Variants in RBFOX1 observed in about 807,000 individuals in gnomAD.
The protein encoded by RBFOX1 is RNA binding protein fox-1 homolog 1.
In RBFOX1, 8 loss-of-function variants were observed where a neutral mutation model predicts 57.7. That is an observed-to-expected ratio of 0.14 (90% confidence interval 0.08 to 0.25). The LOEUF (loss-of-function observed/expected upper bound fraction) is 0.25. Ranked by LOEUF, RBFOX1 falls within the 10% of genes least tolerant of loss-of-function variation. RBFOX1 has a pLI of 1.00. For synonymous variants in RBFOX1, 326 were observed against 222.4 expected (o/e 1.47, Z -4.15); for missense variants, 611 against 548.5 (o/e 1.11, Z -1.14).
At chr16:6,983,295 C>G (rs914346642) in intron 3 of RBFOX1, among the ~76,000 whole-genome samples, 12 of 152,030 alleles carry the variant, frequency 7.9e-5, no homozygotes, top group Admixed American at 1.3e-4. Context: ...AGTTGTCTAT[C>G]CAATGAGTTT....
chr16:6,335,340 A>C (rs552739601), intron 2 of RBFOX1, among the ~76,000 whole-genome samples: 1 of 152,160 alleles, frequency 6.6e-6, no homozygotes, highest in Non-Finnish European at 1.5e-5. Flanking sequence ...TGCTTTATTC[A>C]TGCATCTCTC....
At position 6,055,459 on chromosome 16, in the gene RBFOX1, G is replaced by A. The variant is rs144560948; in HGVS notation, c.-127+35467G>A. Among the ~76,000 whole-genome samples the A allele has an allele frequency of 2.3e-3, 353 of 151,922 alleles. 2 individuals carry two copies. The highest frequency in any genetic ancestry group is 8.2e-3 in the African/African-American group (341 of 41,432). ...AATACAAAAATTAGCGAGGTGTTGT[G>A]GTGCGTGCCTTTAATCCCAGCTATT... On this transcript the variant is annotated intron_variant, in intron 1 of 15. Coordinates refer to ENST00000550418, the MANE Select transcript of RBFOX1 (RefSeq NM_018723.4).
chr16:6,149,270 A>C (rs552372973), intron 1 of RBFOX1, among the ~76,000 whole-genome samples: 3 of 152,316 alleles, frequency 2.0e-5, no homozygotes, highest in Admixed American at 2.0e-4. Context: ...CAGTAAATAG[A>C]CGAGGTGTAC....
chr16:6,068,862 G>A (rs2095800107), intron 1 of RBFOX1, among the ~76,000 whole-genome samples: 1 of 152,124 alleles, frequency 6.6e-6, no homozygotes, highest in Admixed American at 6.5e-5. Flanking sequence ...AAACTCCCTT[G>A]TCTCCCAGTT....
chr16:6,496,199 C>A (rs2095763685), intron 2 of RBFOX1, among the ~76,000 whole-genome samples: 1 of 151,670 alleles, frequency 6.6e-6, no homozygotes, highest in East Asian at 1.9e-4. Flanking sequence ...GGCATGTGCA[C>A]TTTTTTTTTC....
At chr16:7,072,386 A>G (rs1032137534) in intron 4 of RBFOX1, among the ~76,000 whole-genome samples, 7 of 152,228 alleles carry the variant, frequency 4.6e-5, no homozygotes, top group Admixed American at 2.0e-4. Context: ...TTACTTGGTC[A>G]TGGTTTCTCG....
intron 10 of RBFOX1, among the ~76,000 whole-genome samples, chr16:7,610,944 G>C (rs554470073): frequency 2.0e-5 from 3 of 150,386 alleles, no homozygotes; most frequent in Non-Finnish European, 4.5e-5. Context: ...TTGCAATTCT[G>C]AGTGTGCCTC....
chr16:6,301,078 GAAAA>G (rs917803691), intron 1 of RBFOX1, among the ~76,000 whole-genome samples: 1 of 150,602 alleles, frequency 6.6e-6, no homozygotes, highest in Non-Finnish European at 1.5e-5. Context: ...AGTTGTCATT[GAAAA>G]AAAAATCCTT....
At chr16:7,192,777 C>A (rs773285694) in intron 4 of RBFOX1, among the ~76,000 whole-genome samples, 6 of 152,108 alleles carry the variant, frequency 3.9e-5, no homozygotes, top group Non-Finnish European at 5.9e-5. Context: ...TTCTGTGAGT[C>A]TAAAAGCATT....
At chr16:7,434,612 A>G (rs1338193232) in intron 4 of RBFOX1, among the ~76,000 whole-genome samples, 1 of 152,182 alleles carries the variant, frequency 6.6e-6, no homozygotes, top group Non-Finnish European at 1.5e-5. Context: ...CCCTAAGGGG[A>G]TCCTAAAGTT....
intron 1 of RBFOX1, among the ~76,000 whole-genome samples, chr16:6,261,822 C>A (rs1045563052): frequency 1.3e-5 from 2 of 151,596 alleles, no homozygotes; most frequent in African/African-American, 4.9e-5. Flanking sequence ...ATGATGAAAC[C>A]CCGTCTTTAC....
At chr16:7,654,375 C>T (rs138448504) in intron 12 of RBFOX1, among the ~76,000 whole-genome samples, 1 of 152,244 alleles carries the variant, frequency 6.6e-6, no homozygotes, top group East Asian at 1.9e-4. Context: ...CTCGCCTCCC[C>T]AGGGATATCT....
At chr16:7,586,794 G>A (rs1273242509) in intron 6 of RBFOX1, among the ~76,000 whole-genome samples, 1 of 152,136 alleles carries the variant, frequency 6.6e-6, no homozygotes, top group Non-Finnish European at 1.5e-5. Context: ...ATATGATAGA[G>A]CTGCTCCTAG....
intron 3 of RBFOX1, among the ~76,000 whole-genome samples, chr16:6,842,163 T>A (rs1253584886): frequency 9.6e-6 from 1 of 104,220 alleles, no homozygotes; most frequent in African/African-American, 3.4e-5. Flanking sequence ...AAAAAATAAA[T>A]AAATAAATAA....
intron 4 of RBFOX1, among the ~76,000 whole-genome samples, chr16:7,167,501 C>G (rs1286506140): frequency 6.6e-6 from 1 of 152,098 alleles, no homozygotes; most frequent in Non-Finnish European, 1.5e-5. Flanking sequence ...CCACCAGAAA[C>G]TGGAAGGAAC....
At chr16:6,220,859 C>G (rs924292070) in intron 1 of RBFOX1, among the ~76,000 whole-genome samples, 2 of 151,926 alleles carry the variant, frequency 1.3e-5, no homozygotes, top group Non-Finnish European at 2.9e-5. Context: ...GAACATTTAA[C>G]TTTTTTAAAA....
intron 4 of RBFOX1, among the ~76,000 whole-genome samples, chr16:7,481,650 T>A (rs528419219): frequency 1.8e-4 from 28 of 152,320 alleles, no homozygotes; most frequent in Non-Finnish European, 3.2e-4. Flanking sequence ...TATTTGGTAT[T>A]CCTTGTACCA....
intron 4 of RBFOX1, among the ~76,000 whole-genome samples, chr16:7,176,667 G>A (rs1054894215): frequency 2.0e-5 from 3 of 152,050 alleles, no homozygotes; most frequent in Admixed American, 2.0e-4. Flanking sequence ...CCCCTTTACT[G>A]GAAAAGGTTT....
chr16:7,211,072 A>T (rs1340465928), intron 4 of RBFOX1, among the ~76,000 whole-genome samples: 1 of 128,182 alleles, frequency 7.8e-6, no homozygotes, highest in Non-Finnish European at 1.6e-5. Context: ...TGTATACCTT[A>T]GATACATACA....
Sources: allele counts gnomAD v4.1 joint callset (sites outside exome capture counted in the v4.1 genomes callset), GRCh38; gene constraint gnomAD v4.1.1; transcripts MANE v1.5; gene names NCBI Gene and HGNC (gene_info 2026-07-23, HGNC 2026-07-21).